The following MYO16 variants were observed in gnomAD, a reference collection of about 807,000 sequenced individuals.
The protein encoded by MYO16 is myosin XVI, also known as unconventional myosin-XVI.
In MYO16, 94 loss-of-function variants were observed where a neutral mutation model predicts 205.3. The observed-to-expected ratio is 0.46, with a 90% CI of 0.39 to 0.54. The LOEUF is 0.54. Among genes scored for constraint, MYO16 ranks in the 20% least tolerant of loss-of-function variants. The pLI is 0.00. For synonymous variants in MYO16, 988 were observed against 954.0 expected (o/e 1.04, Z -0.66); for missense variants, 2,315 against 2,387.5 (o/e 0.97, Z 0.63).
intron 2 of MYO16, among the ~76,000 whole-genome samples, chr13:108,676,771 G>A (rs1566544452): frequency 6.6e-6 from 1 of 152,138 alleles, no homozygotes; most frequent in Non-Finnish European, 1.5e-5. Flanking sequence ...GTAGTCCCAG[G>A]GTCAGCAGTT....
intron 9 of MYO16, among the ~76,000 whole-genome samples, chr13:108,839,709 T>A (rs1012828390): frequency 1.3e-5 from 2 of 152,206 alleles, no homozygotes; most frequent in African/African-American, 4.8e-5. Context: ...AAGATCCAAC[T>A]GTTTTGTGTT....
chr13:108,500,923 C>T, the MYO16 span, among the ~76,000 whole-genome samples: 1 of 152,160 alleles, frequency 6.6e-6, no homozygotes, highest in Admixed American at 6.6e-5. Context: ...TGACACCTCT[C>T]CCGACTCACA....
chr13:108,595,922 C>T (rs999874456), upstream of MYO16, among the ~76,000 whole-genome samples: 10 of 126,932 alleles, frequency 7.9e-5, no homozygotes, highest in Admixed American at 6.6e-4. Context: ...CAGGCTAAGG[C>T]TTCCCTTTTA....
At chr13:108,945,480 A>G (rs929222711) in intron 16 of MYO16, among the ~76,000 whole-genome samples, 1 of 152,168 alleles carries the variant, frequency 6.6e-6, no homozygotes, top group African/African-American at 2.4e-5. Flanking sequence ...CCTTGACTAG[A>G]AATTATTTTT....
intron 2 of MYO16, among the ~76,000 whole-genome samples, chr13:108,672,343 T>G (rs550228613): frequency 1.3e-5 from 2 of 152,308 alleles, no homozygotes; most frequent in South Asian, 4.1e-4. Context: ...GAAAAAAGTT[T>G]CCATTTAAAT....
chr13:108,588,632 T>C, the MYO16 span, among the ~76,000 whole-genome samples: 2 of 152,108 alleles, frequency 1.3e-5, no homozygotes, highest in African/African-American at 4.8e-5. Flanking sequence ...AGAACTTAGG[T>C]GGGATTGCAT....
intron 6 of MYO16, among the ~76,000 whole-genome samples, chr13:108,796,360 A>G (rs1018237461): frequency 6.6e-6 from 1 of 152,150 alleles, no homozygotes; most frequent in Admixed American, 6.5e-5. Flanking sequence ...TCAGTGTGGC[A>G]ATTCCTCAGG....
At chr13:108,694,918 G>A (rs1883032055) in intron 2 of MYO16, among the ~76,000 whole-genome samples, 1 of 152,090 alleles carries the variant, frequency 6.6e-6, no homozygotes, top group African/African-American at 2.4e-5. Flanking sequence ...TTCGAGACCA[G>A]CCTGACCAAC....
At chr13:108,673,135 T>A (rs958670182) in intron 2 of MYO16, among the ~76,000 whole-genome samples, 2 of 151,944 alleles carry the variant, frequency 1.3e-5, no homozygotes, top group African/African-American at 2.4e-5. Context: ...TGAGAGACCA[T>A]GTTTTTATAG....
At chr13:108,819,278 C>T (rs1875827356) in intron 7 of MYO16, among the ~76,000 whole-genome samples, 1 of 152,072 alleles carries the variant, frequency 6.6e-6, no homozygotes, top group African/African-American at 2.4e-5. Flanking sequence ...TTCCATGCAG[C>T]CAAAAGAATG....
At chr13:109,179,748 C>T (rs941429608) in intron 34 of MYO16, 115 bp downstream of exon 34, 8 of 762,150 alleles carry the variant, frequency 1.0e-5, no homozygotes, top group Non-Finnish European at 1.8e-5. Context: ...CTCAGCTGTT[C>T]TCACCTCTGC....
chr13:108,630,806 T>TA, intron 1 of MYO16, among the ~76,000 whole-genome samples: 1 of 152,158 alleles, frequency 6.6e-6, no homozygotes, highest in Non-Finnish European at 1.5e-5. Context: ...TAAAGGAGAC[T>TA]AAAAAAATAA....
chr13:108,718,408 T>A (rs1884031793), intron 3 of MYO16, among the ~76,000 whole-genome samples: 1 of 151,450 alleles, frequency 6.6e-6, no homozygotes, highest in African/African-American at 2.4e-5. Context: ...GAAGACAATA[T>A]CCCCTCTGCA....
At chr13:109,046,755 A>G (rs889001597) in intron 23 of MYO16, among the ~76,000 whole-genome samples, 161 bp from the exon 24 acceptor site, 4 of 152,226 alleles carry the variant, frequency 2.6e-5, no homozygotes, top group Non-Finnish European at 5.9e-5. Context: ...GAACAGGCAG[A>G]TTATAGCTTG....
chr13:108,763,551 A>G (rs1447840195), intron 4 of MYO16, among the ~76,000 whole-genome samples: 2 of 152,202 alleles, frequency 1.3e-5, no homozygotes, highest in African/African-American at 4.8e-5. Context: ...CAATAGTAAT[A>G]TTGATATTTT....
chr13:108,613,579 T>C (rs1206726348), intron 1 of MYO16, among the ~76,000 whole-genome samples: 1 of 152,094 alleles, frequency 6.6e-6, no homozygotes, highest in East Asian at 1.9e-4. Context: ...AAAAGTCCCT[T>C]ATGAATATAA....
At position 108,911,068 on chromosome 13, in the gene MYO16, G is replaced by C. The variant is rs200832054; in HGVS notation, c.1925+918G>C. On this transcript the variant is annotated intron_variant, in intron 16 of 34. Transcript: ENST00000457511. ...ACACACACACACACACACACACACAGAGAGAGAGAAGGGTTGCTTCACTCA... is the reference window on the plus strand; with the variant it reads ...ACACACACACACACACACACACACACAGAGAGAGAAGGGTTGCTTCACTCA... Among the ~76,000 whole-genome samples the C allele has an allele frequency of 6.3e-3, 325 of 51,592 alleles. 2 individuals carry two copies. In the South Asian group the frequency reaches 0.071, roughly 11 times the overall value. 33.8% of individuals were successfully genotyped at this position (51,592 alleles called of 152,430 possible). A position where few individuals can be genotyped will look rare whatever the true frequency, so the allele number is the denominator to read the frequency against.
chr13:108,539,056 C>A, the MYO16 span, among the ~76,000 whole-genome samples: 27 of 152,124 alleles, frequency 1.8e-4, no homozygotes, highest in Admixed American at 1.1e-3. Context: ...GCATCACCTG[C>A]AGCTTACTAG....
the MYO16 span, among the ~76,000 whole-genome samples, chr13:108,567,237 G>C: frequency 6.6e-6 from 1 of 152,116 alleles, no homozygotes; most frequent in African/African-American, 2.4e-5. Context: ...AATAGGAAGG[G>C]AAGAGCAGTT....
Sources: gnomAD v4.1 joint callset for allele counts (sites outside exome capture counted in the v4.1 genomes callset) on GRCh38, gnomAD v4.1.1 for gene constraint, MANE v1.5 for transcripts, NCBI Gene and HGNC (gene_info 2026-07-23, HGNC 2026-07-21) for gene names.